SLC2A14: variants seen among roughly 807,000 people sequenced by gnomAD.
SLC2A14 encodes the protein solute carrier family 2 member 14.
SLC2A14 carries 13 observed loss-of-function variants against 43.0 expected under a neutral mutation model. The observed-to-expected ratio is 0.30, with a 90% CI of 0.20 to 0.48. The LOEUF is 0.48. Ranked by LOEUF, SLC2A14 falls within the 20% of genes least tolerant of loss-of-function variation. The pLI is 0.99. For missense variants in SLC2A14, 428 were observed against 620.4 expected (o/e 0.69, Z 3.29); for synonymous variants, 190 against 233.8 (o/e 0.81, Z 1.71).
At position 7,817,834 on chromosome 12, in the gene SLC2A14, A is replaced by G. The variant is rs765877691; in HGVS notation, c.1272T>C (p.Ala424=). 1 of 1,614,052 alleles carries G rather than the reference A, an allele frequency of 6.2e-7. No homozygotes were observed. The highest frequency in any genetic ancestry group is 1.1e-5 in the South Asian group (1 of 91,080). ...TAGATAAGGTGAGTTTACTTACAGCAGCAGAGGGGAAGAGCAATCCGACTA... is the reference window on the plus strand; with the variant it reads ...TAGATAAGGTGAGTTTACTTACAGCGGCAGAGGGGAAGAGCAATCCGACTA... The part of the protein sequence containing the change: ...NFLVGLLFPS[A]AYYLGAYVFI... Residue 424 remains alanine, a synonymous_variant, in exon 10 of 11, where the codon GCT becomes GCC. Transcript: ENST00000431042.
chr12:7,826,225 G>GTTTT (rs34224977), intron 7 of SLC2A14, among the ~76,000 whole-genome samples: 12 of 146,112 alleles, frequency 8.2e-5, no homozygotes, highest in African/African-American at 1.0e-4. Flanking sequence ...TTCCTCCCAA[G>GTTTT]TTTTTTTTTT....
chr12:7,842,714 CTTTT>C (rs1866072938), intron 2 of SLC2A14, among the ~76,000 whole-genome samples: 2 of 148,024 alleles, frequency 1.4e-5, no homozygotes, highest in African/African-American at 5.0e-5. Flanking sequence ...TCTACTCTTT[CTTTT>C]TCTCTTTTTT....
Position 7,827,532 on chromosome 12 carries a change from A to T in SLC2A14, c.827T>A (p.Val276Glu). 3.7e-6 allele frequency: 6 copies of T among 1,612,692 alleles called. No homozygotes were observed. Among genetic ancestry groups the T allele is most frequent in the Non-Finnish European group, 5.1e-6 (6 of 1,179,814 alleles). Residue 276 changes from valine (V) to glutamate (E), a missense_variant, in exon 7 of 11, where the codon GTG becomes GAG. This residue lies in a region of SLC2A14 where 185 missense variants were observed against 275.4 expected (regional missense o/e 0.67). Transcript: ENST00000431042. ...AGAGAGCTGCTGAGAGAGCTGGAGC[A>T]CAATGGAAATGATGATGGGCTGTCG... ...SYRQPIIISI[V>E]LQLSQQLSGI...
At chr12:7,863,677 A>G (rs1565567926) in intron 2 of SLC2A14, among the ~76,000 whole-genome samples, 1 of 152,104 alleles carries the variant, frequency 6.6e-6, no homozygotes, top group Non-Finnish European at 1.5e-5. Context: ...ATTCATTGAC[A>G]TATAAACTAA....
intron 2 of SLC2A14, among the ~76,000 whole-genome samples, chr12:7,833,752 A>C (rs1337075546): frequency 2.0e-5 from 3 of 150,650 alleles, no homozygotes; most frequent in South Asian, 2.1e-4. Context: ...ACTGCACTCC[A>C]ACCTGGGCAA....
intron 2 of SLC2A14, among the ~76,000 whole-genome samples, chr12:7,863,178 G>A (rs1351941765): frequency 2.6e-5 from 4 of 152,134 alleles, no homozygotes; most frequent in South Asian, 2.1e-4. Flanking sequence ...GCGAGACTAC[G>A]AGGCCACCGG....
At chr12:7,842,996 G>A (rs1175157899) in intron 2 of SLC2A14, among the ~76,000 whole-genome samples, 1 of 152,038 alleles carries the variant, frequency 6.6e-6, no homozygotes, top group African/African-American at 2.4e-5. Context: ...CCAAAGTGCT[G>A]GGATTACAGG....
At chr12:7,879,341 A>C (rs1175258996) in intron 1 of SLC2A14, among the ~76,000 whole-genome samples, 1 of 151,402 alleles carries the variant, frequency 6.6e-6, no homozygotes, top group African/African-American at 2.4e-5. Flanking sequence ...AAAAAAAAAC[A>C]AAAGTTGCAC....
chr12:7,846,975 C>T (rs1414685091), intron 2 of SLC2A14, among the ~76,000 whole-genome samples: 1 of 150,678 alleles, frequency 6.6e-6, no homozygotes, highest in African/African-American at 2.4e-5. Flanking sequence ...CTGTGGCGGC[C>T]GGGCGCAGTG....
rs117647033 is a variant in SLC2A14 at position 7,859,718 on chromosome 12, C to A, written c.18+10145G>T. On this transcript the variant is annotated intron_variant, in intron 2 of 10. Transcript: ENST00000431042. Reference sequence around the variant, plus strand: ...GACCCAGGAGTTCAGTAGATTATTACAATATCCTGATGGCATGCACTGAAA... The same window carrying A: ...GACCCAGGAGTTCAGTAGATTATTAAAATATCCTGATGGCATGCACTGAAA... Among the ~76,000 whole-genome samples, 1,079 of 152,190 alleles carry A rather than the reference C, an allele frequency of 7.1e-3. 29 individuals are homozygous for A. In the East Asian group the frequency reaches 0.11, roughly 15 times the overall value.
chr12:7,869,313 T>G (rs530960699), intron 2 of SLC2A14, among the ~76,000 whole-genome samples: 4 of 152,084 alleles, frequency 2.6e-5, no homozygotes, highest in African/African-American at 9.7e-5. Context: ...TGTGGCAAAT[T>G]AGGCATTACG....
intron 1 of SLC2A14, among the ~76,000 whole-genome samples, chr12:7,887,249 G>T (rs755849308): frequency 6.6e-6 from 1 of 151,746 alleles, no homozygotes; most frequent in Admixed American, 6.6e-5. Context: ...GTTCTCTCTA[G>T]AAGAGTAGTT....
At chr12:7,848,312 C>T (rs1592241324) in intron 2 of SLC2A14, among the ~76,000 whole-genome samples, 1 of 152,098 alleles carries the variant, frequency 6.6e-6, no homozygotes, top group South Asian at 2.1e-4. Context: ...GTCCCTTAGA[C>T]ACAGCTCTTA....
intron 2 of SLC2A14, among the ~76,000 whole-genome samples, chr12:7,854,555 G>A (rs911307029): frequency 1.3e-5 from 2 of 151,962 alleles, no homozygotes; most frequent in South Asian, 2.1e-4. Flanking sequence ...AATGGCCCAC[G>A]AGTGCAATGG....
At position 7,814,362 on chromosome 12, in the gene SLC2A14, C is replaced by A. The variant is rs10845981; in HGVS notation, c.1448G>T (p.Gly483Val). 56 of 1,609,456 alleles carry A rather than the reference C, an allele frequency of 3.5e-5. No homozygotes were observed. The highest frequency in any genetic ancestry group is 4.6e-5 in the Non-Finnish European group (54 of 1,178,200). Residue 483 changes from glycine (G) to valine (V), a missense_variant, in exon 11 of 11, where the codon GGG becomes GTG. Transcript: ENST00000431042. ...ADRSGKDGVM[G>V]MNSIEPAKET... ...CTTAGCAGGCTCGATGCTGTTCATC[C>A]CCATGACGCCGTCCTTCCCAGATCT...
chr12:7,843,402 G>T (rs865803795), intron 2 of SLC2A14, among the ~76,000 whole-genome samples: 33 of 138,774 alleles, frequency 2.4e-4, no homozygotes, highest in South Asian at 1.5e-3. Context: ...CTACTGGAAG[G>T]CTCCTCGGGC....
At chr12:7,830,443 G>A (rs941692411) in intron 4 of SLC2A14, among the ~76,000 whole-genome samples, 16 of 152,060 alleles carry the variant, frequency 1.1e-4, no homozygotes, top group Non-Finnish European at 1.5e-4. Context: ...GAGCCACCAC[G>A]CCCAGCCCTT....
At chr12:7,831,879 C>G in intron 3 of SLC2A14, 115 bp from the exon 4 acceptor site, 1 of 1,326,694 alleles carries the variant, frequency 7.5e-7, no homozygotes. Flanking sequence ...AAGGCCGAGG[C>G]GGGTGGATCA....
intron 1 of SLC2A14, chr12:7,870,862 A>G: frequency 7.8e-7 from 1 of 1,284,514 alleles, no homozygotes; most frequent in Non-Finnish European, 1.0e-6. Context: ...ATGTTCAGCA[A>G]GTGGACCAAA....
Sources: gnomAD v4.1 joint callset for allele counts (sites outside exome capture counted in the v4.1 genomes callset) on GRCh38, gnomAD v4.1.1 for gene constraint, gnomAD v4.1.1 regional missense constraint, MANE v1.5 for transcripts, NCBI Gene and HGNC (gene_info 2026-07-23, HGNC 2026-07-21) for gene names.